Variants in IDI2 observed in about 807,000 individuals in gnomAD.
IDI2 encodes the protein isopentenyl-diphosphate delta isomerase 2, also known as isopentenyl-diphosphate delta-isomerase 2.
In IDI2, 18 loss-of-function variants were observed where a neutral mutation model predicts 14.8. The observed-to-expected ratio is 1.22, with a 90% confidence interval of 0.84 to 1.80. The LOEUF is 1.80. IDI2 is among the 40% of genes most tolerant of loss of function. IDI2 has a pLI of 0.00. For missense variants in IDI2, 316 were observed against 283.2 expected (o/e 1.12, Z -0.83); for synonymous variants, 133 against 109.6 (o/e 1.21, Z -1.33).
chr10:1,024,441 TA>T, intron 2 of IDI2, 140 bp downstream of exon 2: 1 of 875,558 alleles, frequency 1.1e-6, no homozygotes, highest in Non-Finnish European at 1.8e-6. Flanking sequence ...CCGAGCCTTC[TA>T]AAGACGGCAC....
chr10:1,022,517 G>A, intron 3 of IDI2, 166 bp downstream of exon 3: 3 of 565,960 alleles, frequency 5.3e-6, no homozygotes, highest in Non-Finnish European at 9.6e-6. Flanking sequence ...CTACTGAAGA[G>A]CTATCAGCAT....
At chr10:1,024,506 C>G in intron 2 of IDI2, 76 bp downstream of exon 2, 1 of 1,544,338 alleles carries the variant, frequency 6.5e-7, no homozygotes, top group Non-Finnish European at 8.8e-7. Flanking sequence ...GGCCTAGACT[C>G]TCTTCTTAGG....
At chr10:1,024,980 T>C (rs1414066731) in intron 1 of IDI2, among the ~76,000 whole-genome samples, 1 of 149,404 alleles carries the variant, frequency 6.7e-6, no homozygotes, top group Admixed American at 6.7e-5. Flanking sequence ...CAGGTTTCCT[T>C]TAGTGACGAG....
chr10:1,021,761 G>GT (rs1243525504), intron 3 of IDI2, among the ~76,000 whole-genome samples: 1 of 152,200 alleles, frequency 6.6e-6, no homozygotes, highest in Non-Finnish European at 1.5e-5. Flanking sequence ...TGACCAGCAA[G>GT]TATGGTGGTG....
Position 1,019,692 on chromosome 10 carries a change from CT to C in IDI2, c.508del (p.Ser170AlafsTer28), listed in dbSNP as rs755794752. On this transcript the variant is annotated frameshift_variant, in exon 5 of 5. Transcript: ENST00000277517. LOFTEE classifies it low-confidence loss of function (END_TRUNC). ...TLNPDPSETKSILYLSQEELW... is the reference protein window; with the variant it reads ...TLNPDPSETKXILYLSQEELW... ...CTCCTCCTGGGACAGGTAGAGGATG[CT>C]TTTCGTTTCACTGGGATCCGGGTTC... is the stretch of plus-strand genomic sequence containing the variant. 5.5e-5 allele frequency: 89 copies of C among 1,613,932 alleles called. 1 individual carries two copies. Among genetic ancestry groups the C allele is most frequent in the Non-Finnish European group, 7.5e-5 (89 of 1,180,034 alleles).
At chr10:1,020,622 C>G in intron 4 of IDI2, 145 bp downstream of exon 4, 1 of 798,076 alleles carries the variant, frequency 1.3e-6, no homozygotes, top group Non-Finnish European at 1.9e-6. Context: ...ACAGCTCATT[C>G]ACAGCCCCAT....
At chr10:1,021,279 C>T (rs1176791517) in intron 3 of IDI2, among the ~76,000 whole-genome samples, 1 of 152,184 alleles carries the variant, frequency 6.6e-6, no homozygotes, top group Non-Finnish European at 1.5e-5. Context: ...GGGCTGTGGG[C>T]TGGGTGGCTG....
At chr10:1,025,074 A>G (rs17155817) in intron 1 of IDI2, among the ~76,000 whole-genome samples, 2,095 of 147,266 alleles carry the variant, frequency 0.014, 40 homozygotes, top group African/African-American at 0.048. Flanking sequence ...GGTAAACTGT[A>G]GGTAACACTC....
In IDI2 at chr10:1,024,933, G is replaced by A. The variant is rs902330863; in HGVS notation, c.-21-189C>T. ...TTTCTAATGTGGTGTCTCTCTGAAC[G>A]GGAAATCTTGGGTACATACATACTC... On this transcript the variant is annotated intron_variant, in intron 1 of 4. Coordinates refer to ENST00000277517, the MANE Select transcript of IDI2 (RefSeq NM_033261.3). 4.6e-5 allele frequency among the ~76,000 whole-genome samples: 7 copies of A among 151,660 alleles called. No homozygotes were observed. In the East Asian group the frequency reaches 9.7e-4, roughly 21 times the overall value.
At chr10:1,022,797 G>A in intron 2 of IDI2, 22 bp from the exon 3 acceptor site, 1 of 1,549,388 alleles carries the variant, frequency 6.5e-7, no homozygotes, top group Non-Finnish European at 8.9e-7. Flanking sequence ...AGTGCCATTT[G>A]TGTGAGTGCA....
At chr10:1,024,856 A>G (rs1486719750) in intron 1 of IDI2, 112 bp from the exon 2 acceptor site, 1 of 964,946 alleles carries the variant, frequency 1.0e-6, no homozygotes, top group East Asian at 2.4e-5. Context: ...TACAAGTGAC[A>G]GCAATTGTGT....
chr10:1,022,782 A>C lies in IDI2; in HGVS notation c.143-7T>G. 1 of 1,609,846 alleles carries C rather than the reference A, an allele frequency of 6.2e-7. No homozygotes were observed. The highest frequency in any genetic ancestry group is 1.3e-5 in the African/African-American group (1 of 74,970). On this transcript the variant is annotated splice_region_variant and splice_polypyrimidine_tract_variant and intron_variant, in intron 2 of 4. Coordinates refer to ENST00000277517, the MANE Select transcript of IDI2 (RefSeq NM_033261.3). ...AAGGCTCGGTGCAGCAGCCCTGCAA[A>C]GGTAAGTGCCATTTGTGTGAGTGCA...
chr10:1,024,383 G>A (rs1832172617), intron 2 of IDI2, among the ~76,000 whole-genome samples, 199 bp downstream of exon 2: 1 of 152,314 alleles, frequency 6.6e-6, no homozygotes, highest in African/African-American at 2.4e-5. Context: ...AGGTGCAGGA[G>A]CCTGACAAGG....
intron 2 of IDI2, 53 bp downstream of exon 2, chr10:1,024,529 G>T: frequency 6.3e-7 from 1 of 1,597,542 alleles, no homozygotes; most frequent in Middle Eastern, 1.9e-4. Flanking sequence ...GCCGTCGGGT[G>T]GGAAAAATGG....
At chr10:1,023,691 G>A (rs1043896109) in intron 2 of IDI2, among the ~76,000 whole-genome samples, 1 of 152,184 alleles carries the variant, frequency 6.6e-6, no homozygotes, top group Non-Finnish European at 1.5e-5. Flanking sequence ...GGGATGACGA[G>A]AGGGTGGTTA....
At chr10:1,023,665 C>T (rs1057118164) in intron 2 of IDI2, among the ~76,000 whole-genome samples, 19 of 152,086 alleles carry the variant, frequency 1.2e-4, no homozygotes, top group African/African-American at 3.9e-4. Flanking sequence ...CCAGAGGCTG[C>T]GAAGGGCAGT....
chr10:1,024,395 C>T (rs1384730050), intron 2 of IDI2, among the ~76,000 whole-genome samples, 187 bp downstream of exon 2: 2 of 152,188 alleles, frequency 1.3e-5, no homozygotes, highest in Non-Finnish European at 2.9e-5. Context: ...CTGACAAGGG[C>T]TTGACCAAGC....
chr10:1,024,262 C>T (rs979053803), intron 2 of IDI2, among the ~76,000 whole-genome samples: 6 of 152,168 alleles, frequency 3.9e-5, no homozygotes, highest in African/African-American at 1.4e-4. Context: ...CTGGGAGGGA[C>T]GGGGTTGAGG....
At chr10:1,020,713 C>CATTAAAAAAA in intron 4 of IDI2, 54 bp downstream of exon 4, 7 of 1,534,288 alleles carry the variant, frequency 4.6e-6, no homozygotes, top group Non-Finnish European at 5.3e-6. Flanking sequence ...CACCGTCTGC[C>CATTAAAAAAA]CGCTGCCAAC....
Sources: allele counts gnomAD v4.1 joint callset (sites outside exome capture counted in the v4.1 genomes callset), GRCh38; gene constraint gnomAD v4.1.1; transcripts MANE v1.5; gene names NCBI Gene and HGNC (gene_info 2026-07-23, HGNC 2026-07-21).